MED16: variants seen among roughly 807,000 people sequenced by gnomAD.
MED16 encodes the protein mediator complex subunit 16.
A neutral mutation model predicts 84.4 loss-of-function variants in MED16; 81 were observed. That is an observed-to-expected ratio of 0.96 (90% confidence interval 0.80 to 1.15). MED16 has a LOEUF of 1.15. MED16 is among the 50% of genes most tolerant of loss of function. The pLI is 0.00. For missense variants in MED16, 1,585 were observed against 1,245.9 expected (o/e 1.27, Z -4.10); for synonymous variants, 897 against 552.2 (o/e 1.62, Z -8.76).
Position 871,231 on chromosome 19 carries a change from G to C in MED16, c.2121C>G (p.Ser707Arg). 4 of 1,541,738 alleles carry C rather than the reference G, an allele frequency of 2.6e-6. No homozygotes were observed. The highest frequency in any genetic ancestry group is 3.5e-6 in the Non-Finnish European group (4 of 1,140,426). Residue 707 changes from serine (S) to arginine (R), a missense_variant, in exon 13 of 16, where the codon AGC becomes AGG. Coordinates refer to ENST00000325464, the MANE Select transcript of MED16 (RefSeq NM_005481.3). ...WICCRDEGPA[S>R]EPDEALVDEC... ...CATCCACCAGCGCCTCGTCCGGCTC[G>C]CTCGCTGGGCCCTCATCGCGACCTG...
intron 8 of MED16, among the ~76,000 whole-genome samples, chr19:878,550 C>T (rs1405464549): frequency 5.2e-4 from 58 of 111,076 alleles, no homozygotes; most frequent in Non-Finnish European, 6.5e-4. Flanking sequence ...GTTGTCAATG[C>T]CCACCAGCCC....
chr19:887,039 A>G (rs1317851505), intron 4 of MED16, among the ~76,000 whole-genome samples: 1 of 151,946 alleles, frequency 6.6e-6, no homozygotes, highest in Non-Finnish European at 1.5e-5. Flanking sequence ...AGATCACACC[A>G]TTACACTCTG....
chr19:882,844 T>C (rs1217031009), intron 6 of MED16, among the ~76,000 whole-genome samples: 2 of 152,192 alleles, frequency 1.3e-5, no homozygotes, highest in Non-Finnish European at 2.9e-5. Context: ...GGACGGGCCA[T>C]CACGGTCACA....
intron 6 of MED16, among the ~76,000 whole-genome samples, chr19:884,303 AG>A (rs1372155452): frequency 8.5e-5 from 13 of 152,050 alleles, no homozygotes; most frequent in African/African-American, 3.1e-4. Context: ...GCTTCGCTCC[AG>A]CCCCAGGATT....
chr19:883,876 G>A (rs889187540), intron 6 of MED16, among the ~76,000 whole-genome samples: 7 of 152,152 alleles, frequency 4.6e-5, no homozygotes, highest in African/African-American at 1.7e-4. Flanking sequence ...CCTGGGGACC[G>A]GGCGAAGGAA....
At chr19:886,272 A>C in intron 4 of MED16, 71 bp from the exon 5 acceptor site, 7 of 1,307,162 alleles carry the variant, frequency 5.4e-6, no homozygotes, top group Non-Finnish European at 6.1e-6. Context: ...CCCCAGAAAC[A>C]CGCGCACAGA....
Position 871,951 on chromosome 19 carries a change from G to GC in MED16, c.2072dup (p.Leu692ProfsTer12). 5 of 1,600,868 alleles carry GC rather than the reference G, an allele frequency of 3.1e-6. No homozygotes were observed. Among genetic ancestry groups the GC allele is most frequent in the Non-Finnish European group, 4.3e-6 (5 of 1,175,486 alleles). ...AGCAGATCCAGAGCTTGGTGAGCAG[G>GC]CGGAAGAGCAGGGACATGCTGTCCT... On this transcript the variant is annotated frameshift_variant, in exon 12 of 16. Transcript: ENST00000325464. LOFTEE classifies it high-confidence loss of function.
chr19:868,815 TC>T, intron 14 of MED16, 47 bp downstream of exon 14: 1 of 1,519,076 alleles, frequency 6.6e-7, no homozygotes, highest in South Asian at 1.2e-5. Flanking sequence ...AGCTGAGCCA[TC>T]CCCAGCGGCA....
At chr19:875,198 A>G (rs1483039703) in intron 10 of MED16, 46 bp downstream of exon 10, 1 of 1,259,184 alleles carries the variant, frequency 7.9e-7, no homozygotes, top group Non-Finnish European at 1.1e-6. Flanking sequence ...AATAAAATAA[A>G]TAGATGAAAG....
At chr19:872,931 A>G (rs1474405177) in intron 11 of MED16, 6 of 984,734 alleles carry the variant, frequency 6.1e-6, no homozygotes, top group East Asian at 2.4e-4. Context: ...CTTCATGGAG[A>G]GGAGGGCTCC....
chr19:876,588 G>A (rs2036236262), intron 9 of MED16, among the ~76,000 whole-genome samples: 1 of 151,988 alleles, frequency 6.6e-6, no homozygotes, highest in South Asian at 2.1e-4. Context: ...CTTCTCTGAG[G>A]TGCAGCTTTC....
intron 12 of MED16, chr19:871,690 A>G (rs1248759799): frequency 1.4e-6 from 2 of 1,429,006 alleles, no homozygotes; most frequent in Non-Finnish European, 1.9e-6. Flanking sequence ...ATCAAGGCAG[A>G]GCCACTGCCA....
At position 875,338 on chromosome 19, in the gene MED16, G is replaced by A. The variant is rs753799025; in HGVS notation, c.1677C>T (p.Thr559=). 9.9e-6 allele frequency: 16 copies of A among 1,610,434 alleles called. No individual in the cohort carries two copies. Among genetic ancestry groups the A allele is most frequent in the East Asian group, 2.2e-5 (1 of 44,876 alleles). The change falls in exon 10 of 16, where the codon ACC becomes ACT. Residue 559 remains threonine, a synonymous_variant. Transcript: ENST00000325464. ...TKLFLIAISS[T]LKSLLRPHFL... ...AGTGGGGGCGCAGCAGCGACTTCAG[G>A]GTGGAGCTGATGGCGATGAGGAAGA...
intron 15 of MED16, 72 bp downstream of exon 15, chr19:868,344 G>GCTGAGGAGTAC: frequency 6.3e-7 from 1 of 1,590,470 alleles, no homozygotes; most frequent in Non-Finnish European, 8.5e-7. Context: ...CTGAGGGGTA[G>GCTGAGGAGTAC]CTGAGGAGTA....
rs369054708 is a variant in MED16 at position 884,958 on chromosome 19, G to A, written c.930C>T (p.Ser310=). 1.3e-5 allele frequency: 21 copies of A among 1,609,404 alleles called. No individual in the cohort carries two copies. The African/African-American group carries it at 2.7e-4, about 20-fold the overall frequency. ...TCACGGGGAGTCCCTCCTTGCGCAG[G>A]GACCAGCACTCCACGATGCTGCTGG... is the stretch of plus-strand genomic sequence containing the variant. ...SQTSSIVECW[S]LRKEGLPVNN... is the part of the protein sequence containing the mutation. Residue 310 remains serine (S), a synonymous_variant, in exon 6 of 16, where the codon TCC becomes TCT. Transcript: ENST00000325464.
chr19:877,211 G>C lies in MED16; in HGVS notation c.1354-31C>G, dbSNP rs557140832. On this transcript the variant is annotated intron_variant, in intron 8 of 15. Coordinates refer to ENST00000325464, the MANE Select transcript of MED16 (RefSeq NM_005481.3). The stretch of plus-strand genomic sequence containing the variant: ...AGAGACAGAGCCCAAGGAGAGCCCG[G>C]TGAGATGGGGCTGCGCCCTCAGCCG... 108 of 1,582,788 alleles carry C rather than the reference G, an allele frequency of 6.8e-5. 1 individual carries two copies. The Admixed American group carries it at 1.9e-3, about 28-fold the overall frequency.
chr19:871,341 G>A (rs753048211), intron 12 of MED16, 88 bp from the exon 13 acceptor site: 152 of 1,402,846 alleles, frequency 1.1e-4, no homozygotes, highest in Non-Finnish European at 1.3e-4. Context: ...CTCCAGTTCA[G>A]GAGCACCAGG....
At chr19:877,914 G>A (rs975079686) in intron 8 of MED16, among the ~76,000 whole-genome samples, 21 of 119,462 alleles carry the variant, frequency 1.8e-4, no homozygotes, top group African/African-American at 4.6e-4. Flanking sequence ...AGCCCCACGT[G>A]CCCCAGCAGC....
At position 868,211 on chromosome 19, in the gene MED16, T is replaced by C; in HGVS notation, c.2524A>G (p.Arg842Gly). Reference protein sequence around the residue: ...GRGPDACVTSRASEEAPAFVQ... With the variant: ...GRGPDACVTSGASEEAPAFVQ... ...AAGGCAGGGGCTTCCTCAGAAGCTC[T>C]GCTGGTCACGCAGGCGTCCGGCCCA... Residue 842 changes from arginine (R) to glycine (G), a missense_variant, in exon 16 of 16, where the codon AGA becomes GGA. Coordinates refer to ENST00000325464, the MANE Select transcript of MED16 (RefSeq NM_005481.3). The C allele has an allele frequency of 1.9e-6, 3 of 1,603,060 alleles. No individual in the cohort carries two copies. Among genetic ancestry groups the C allele is most frequent in the East Asian group, 4.5e-5 (2 of 44,488 alleles).
Sources: gnomAD v4.1 joint callset for allele counts (sites outside exome capture counted in the v4.1 genomes callset) on GRCh38, gnomAD v4.1.1 for gene constraint, MANE v1.5 for transcripts, NCBI Gene and HGNC (gene_info 2026-07-23, HGNC 2026-07-21) for gene names.